The following LRMDA variants were observed in gnomAD, a reference collection of about 807,000 sequenced individuals.
The protein encoded by LRMDA is leucine rich melanocyte differentiation associated.
Under a neutral mutation model 29.8 loss-of-function variants are expected in LRMDA, and 18 were observed. The ratio of observed to expected loss-of-function variants is 0.60; its 90% CI spans 0.42 to 0.90. LRMDA has a LOEUF of 0.90. LRMDA is among the 40% of genes least tolerant of loss of function. LRMDA has a pLI of 0.00. For synonymous variants in LRMDA, 125 were observed against 109.4 expected (o/e 1.14, Z -0.89); for missense variants, 273 against 273.9 (o/e 1.00, Z 0.02).
At chr10:76,495,187 C>T (rs558084905) in intron 6 of LRMDA, among the ~76,000 whole-genome samples, 14 of 151,914 alleles carry the variant, frequency 9.2e-5, no homozygotes, top group African/African-American at 1.9e-4. Flanking sequence ...TGTGAGGTTT[C>T]GATGGAGGTT....
At chr10:75,630,381 A>C (rs1357740677) in intron 2 of LRMDA, among the ~76,000 whole-genome samples, 1 of 152,238 alleles carries the variant, frequency 6.6e-6, no homozygotes, top group African/African-American at 2.4e-5. Flanking sequence ...TTTTGCGGGC[A>C]ATGCAAATAC....
At chr10:75,975,258 C>G (rs1434123801) in intron 2 of LRMDA, among the ~76,000 whole-genome samples, 1 of 152,178 alleles carries the variant, frequency 6.6e-6, no homozygotes, top group African/African-American at 2.4e-5. Context: ...GTCCTACTGC[C>G]CAACTTGCCT....
intron 2 of LRMDA, among the ~76,000 whole-genome samples, chr10:75,595,987 TATG>T (rs1236432812): frequency 3.3e-5 from 5 of 152,240 alleles, no homozygotes; most frequent in Non-Finnish European, 7.3e-5. Context: ...GTGATGATAA[TATG>T]ATGATCTGCT....
intron 2 of LRMDA, among the ~76,000 whole-genome samples, chr10:75,811,387 AT>A (rs2132271756): frequency 6.6e-6 from 1 of 152,136 alleles, no homozygotes; most frequent in African/African-American, 2.4e-5. Context: ...CTCCTCTAGT[AT>A]TCTTGGGGTG....
At chr10:76,068,362 T>C (rs1156902962) in intron 5 of LRMDA, among the ~76,000 whole-genome samples, 1 of 152,168 alleles carries the variant, frequency 6.6e-6, no homozygotes, top group Non-Finnish European at 1.5e-5. Context: ...AGGGCAGCAG[T>C]CACCAACGTT....
chr10:75,818,528 A>G (rs529179921), intron 2 of LRMDA, among the ~76,000 whole-genome samples: 1 of 152,340 alleles, frequency 6.6e-6, no homozygotes, highest in South Asian at 2.1e-4. Flanking sequence ...TTAGAATCAC[A>G]GAGTCTCAGT....
chr10:76,202,110 T>A (rs1192224146), intron 5 of LRMDA, among the ~76,000 whole-genome samples: 1 of 152,186 alleles, frequency 6.6e-6, no homozygotes, highest in Non-Finnish European at 1.5e-5. Flanking sequence ...CAAGTCTGAT[T>A]CTGTCACGTT....
chr10:76,238,878 G>T (rs1024444884), intron 5 of LRMDA, among the ~76,000 whole-genome samples: 1 of 151,888 alleles, frequency 6.6e-6, no homozygotes, highest in Non-Finnish European at 1.5e-5. Flanking sequence ...TGGCAGGAAG[G>T]ACATGGCTGA....
intron 6 of LRMDA, among the ~76,000 whole-genome samples, chr10:76,336,276 G>T (rs1840967885): frequency 6.6e-6 from 1 of 152,154 alleles, no homozygotes; most frequent in Non-Finnish European, 1.5e-5. Context: ...TGAAATCAGG[G>T]TTTCACCTTG....
intron 6 of LRMDA, among the ~76,000 whole-genome samples, chr10:76,412,492 G>T (rs1841972816): frequency 6.6e-6 from 1 of 152,264 alleles, no homozygotes; most frequent in East Asian, 1.9e-4. Flanking sequence ...ACATCTTGTG[G>T]TGAGAAGGAA....
rs115329896 is a variant in LRMDA, at chr10:75,803,451, C to T, written c.132-232557C>T. ...TGGGGTAACAAGTCCTGCCGGGAGACTGTAAGAGGTTGCATGGCACTGTGG... is the reference window on the plus strand; with the variant it reads ...TGGGGTAACAAGTCCTGCCGGGAGATTGTAAGAGGTTGCATGGCACTGTGG... On this transcript the variant is annotated intron_variant, in intron 2 of 6. Transcript: ENST00000611255. Among the ~76,000 whole-genome samples the T allele has an allele frequency of 6.4e-3, 971 of 152,344 alleles. 16 individuals carry two copies. The highest frequency in any genetic ancestry group is 0.022 in the African/African-American group (918 of 41,580).
At chr10:75,476,072 A>G (rs986257747) in intron 2 of LRMDA, among the ~76,000 whole-genome samples, 2 of 152,226 alleles carry the variant, frequency 1.3e-5, no homozygotes, top group African/African-American at 4.8e-5. Context: ...AATCTGACCC[A>G]TCAGAATGGA....
At chr10:76,555,202 A>G (rs1264935085) in intron 6 of LRMDA, among the ~76,000 whole-genome samples, 1 of 152,156 alleles carries the variant, frequency 6.6e-6, no homozygotes, top group Non-Finnish European at 1.5e-5. Context: ...GGATCCTGGC[A>G]TGGGTGACAA....
intron 2 of LRMDA, among the ~76,000 whole-genome samples, chr10:75,579,571 T>G (rs1487005272): frequency 2.6e-5 from 4 of 152,196 alleles, no homozygotes; most frequent in Non-Finnish European, 4.4e-5. Context: ...ACTCATTTTA[T>G]GAGGCCAGCA....
chr10:75,673,277 C>T (rs188906288), intron 2 of LRMDA, among the ~76,000 whole-genome samples: 3 of 152,194 alleles, frequency 2.0e-5, no homozygotes, highest in Middle Eastern at 3.4e-3. Flanking sequence ...ACCTAAAATG[C>T]GAAGTAGAAG....
At chr10:75,894,629 T>C (rs1479495036) in intron 2 of LRMDA, among the ~76,000 whole-genome samples, 1 of 152,190 alleles carries the variant, frequency 6.6e-6, no homozygotes, top group Non-Finnish European at 1.5e-5. Flanking sequence ...GAAGGATAGT[T>C]GGTGTGTGGG....
At chr10:76,075,061 C>G (rs1182529703) in intron 5 of LRMDA, among the ~76,000 whole-genome samples, 1 of 152,146 alleles carries the variant, frequency 6.6e-6, no homozygotes, top group Non-Finnish European at 1.5e-5. Flanking sequence ...TTGGGTGGCA[C>G]ACATCACTTC....
At chr10:76,017,943 G>T (rs996188126) in intron 2 of LRMDA, among the ~76,000 whole-genome samples, 1 of 152,176 alleles carries the variant, frequency 6.6e-6, no homozygotes, top group African/African-American at 2.4e-5. Context: ...CATGCAGTCT[G>T]TCAATCTTGT....
At chr10:76,227,546 A>G (rs1589384681) in intron 5 of LRMDA, among the ~76,000 whole-genome samples, 1 of 152,310 alleles carries the variant, frequency 6.6e-6, no homozygotes, top group East Asian at 1.9e-4. Flanking sequence ...GAATTTCCCA[A>G]GGCCCTGATA....
Sources: gnomAD v4.1 joint callset for allele counts (sites outside exome capture counted in the v4.1 genomes callset) on GRCh38, gnomAD v4.1.1 for gene constraint, MANE v1.5 for transcripts, NCBI Gene and HGNC (gene_info 2026-07-23, HGNC 2026-07-21) for gene names.